Variants in MEIS1 observed in about 807,000 individuals in gnomAD.
The protein encoded by MEIS1 is homeobox protein Meis1.
In MEIS1, 5 loss-of-function variants were observed where a neutral mutation model predicts 50.8. The observed-to-expected ratio is 0.10, with a 90% CI of 0.05 to 0.21. The LOEUF is 0.21. Among genes scored for constraint, MEIS1 ranks in the 10% least tolerant of loss-of-function variants. MEIS1 has a pLI of 1.00. For missense variants in MEIS1, 318 were observed against 517.3 expected, an observed-to-expected ratio of 0.61 and a Z score of 3.74; for synonymous variants, 176 against 179.3, an observed-to-expected ratio of 0.98 and a Z score of 0.15.
chr2:66,515,744 C>G (rs1673951877), intron 8 of MEIS1, among the ~76,000 whole-genome samples: 1 of 152,078 alleles, frequency 6.6e-6, no homozygotes, highest in Non-Finnish European at 1.5e-5. Context: ...AAACTATTCC[C>G]TGGAATTGAA....
chr2:66,500,433 A>T (rs1673523513), intron 7 of MEIS1, among the ~76,000 whole-genome samples: 1 of 152,120 alleles, frequency 6.6e-6, no homozygotes, highest in Admixed American at 6.6e-5. Context: ...TTATTTATTT[A>T]TTTTTTATTG....
At chr2:66,558,279 C>CAAACAAAAAAAAAACA (rs1675121164) in intron 9 of MEIS1, among the ~76,000 whole-genome samples, 1 of 57,102 alleles carries the variant, frequency 1.8e-5, no homozygotes, top group Non-Finnish European at 2.9e-5. Flanking sequence ...AACTCCATCT[C>CAAACAAAAAAAAAACA]AAAAAAAAAA....
At chr2:66,567,082 CAG>C (rs907611303) in intron 9 of MEIS1, among the ~76,000 whole-genome samples, 10 of 152,152 alleles carry the variant, frequency 6.6e-5, no homozygotes, top group African/African-American at 2.4e-4. Context: ...GGAGAGGTAA[CAG>C]ATGCCCTTAT....
At chr2:66,437,028 A>C (rs1419642313) in intron 1 of MEIS1, 16 of 867,266 alleles carry the variant, frequency 1.8e-5, no homozygotes, top group Non-Finnish European at 2.2e-5. Flanking sequence ...AGCTGCTTCA[A>C]CTATAGATTT....
rs77293959 is a variant in MEIS1, at chr2:66,558,339, C to G, written c.966-9114C>G. On this transcript the variant is annotated intron_variant, in intron 9 of 12. Coordinates refer to ENST00000272369, the MANE Select transcript of MEIS1 (RefSeq NM_002398.3). Reference sequence around the variant, plus strand: ...AAAAGAAAAAGAAAAAGGATAGTCACACTGAAATCCAGCAACTCAGCAGTA... The same window carrying G: ...AAAAGAAAAAGAAAAAGGATAGTCAGACTGAAATCCAGCAACTCAGCAGTA... Among the ~76,000 whole-genome samples, 183 of 144,662 alleles carry G rather than the reference C, an allele frequency of 1.3e-3. 3 individuals are homozygous for G. In the East Asian group the frequency reaches 0.029, roughly 23 times the overall value. 94.9% of individuals were successfully genotyped at this position (144,662 alleles called of 152,430 possible).
intron 7 of MEIS1, among the ~76,000 whole-genome samples, chr2:66,500,992 T>A (rs1326321614): frequency 1.3e-5 from 2 of 152,210 alleles, no homozygotes; most frequent in Non-Finnish European, 2.9e-5. Context: ...CATATGTGTG[T>A]GTATGTGTGT....
At chr2:66,441,574 CT>C in intron 5 of MEIS1, 110 bp downstream of exon 5, 1 of 883,894 alleles carries the variant, frequency 1.1e-6, no homozygotes, top group Non-Finnish European at 1.7e-6. Flanking sequence ...GCATAAATGT[CT>C]TTCTTTCTGG....
At chr2:66,502,927 G>C (rs1170508046) in intron 7 of MEIS1, among the ~76,000 whole-genome samples, 1 of 152,172 alleles carries the variant, frequency 6.6e-6, no homozygotes, top group Admixed American at 6.5e-5. Flanking sequence ...ACTTTGCTGA[G>C]CTGGCTTTGG....
rs74559538 is a variant in MEIS1, at chr2:66,522,430, G to C, written c.888+10136G>C. On this transcript the variant is annotated intron_variant, in intron 8 of 12. Transcript: ENST00000272369. Reference sequence around the variant, plus strand: ...GGCAGCTCCATTGAGACAACAGTGGGCCAGGCGAGGGGATCCTCCTGTTGG... The same window carrying C: ...GGCAGCTCCATTGAGACAACAGTGGCCCAGGCGAGGGGATCCTCCTGTTGG... 6.0e-3 allele frequency among the ~76,000 whole-genome samples: 913 copies of C among 152,312 alleles called. 2 individuals are homozygous for C. Among genetic ancestry groups the C allele is most frequent in the Non-Finnish European group, 9.0e-3 (614 of 68,030 alleles).
chr2:66,444,895 C>G (rs1672091724), intron 6 of MEIS1, among the ~76,000 whole-genome samples: 1 of 152,100 alleles, frequency 6.6e-6, no homozygotes, highest in Admixed American at 6.5e-5. Flanking sequence ...ACTTTAATTG[C>G]CTCCAAAATG....
Position 66,435,531 on chromosome 2 carries a change from C to G in MEIS1, c.-326C>G. ...TTGGTAGTTGGGTCTGAGGGGCGCT[C>G]TTTTTTTTCCTTTTCTTTCTTTCTT... On this transcript the variant is annotated 5_prime_UTR_variant, in exon 1 of 13. Transcript: ENST00000272369. The G allele has an allele frequency of 4.0e-5, 15 of 370,780 alleles. No individual in the cohort carries two copies. Among genetic ancestry groups the G allele is most frequent in the Non-Finnish European group, 4.2e-5 (9 of 213,230 alleles). 23.0% of individuals were successfully genotyped at this position (370,780 alleles called of 1,614,324 possible).
chr2:66,484,303 G>A (rs752498431), intron 7 of MEIS1, among the ~76,000 whole-genome samples: 9 of 152,172 alleles, frequency 5.9e-5, no homozygotes, highest in Non-Finnish European at 1.2e-4. Flanking sequence ...ATCTGGTTAT[G>A]TCTTTTTCTC....
At chr2:66,555,280 CG>C (rs1359844237) in intron 9 of MEIS1, among the ~76,000 whole-genome samples, 17 of 133,902 alleles carry the variant, frequency 1.3e-4, no homozygotes, top group Admixed American at 2.5e-4. Context: ...CTCTCTCTCT[CG>C]TCTCTCTCCA....
At position 66,503,142 on chromosome 2, in the gene MEIS1, G is replaced by A. The variant is rs536797428; in HGVS notation, c.743-9007G>A. Reference sequence around the variant, plus strand: ...TTAGGTTGAACTAGAAAGAGACTGGGAAATGAGGCATTGTTTGACAAAATT... The same window carrying A: ...TTAGGTTGAACTAGAAAGAGACTGGAAAATGAGGCATTGTTTGACAAAATT... On this transcript the variant is annotated intron_variant, in intron 7 of 12. Transcript: ENST00000272369. 6.8e-4 allele frequency among the ~76,000 whole-genome samples: 103 copies of A among 152,264 alleles called. 1 individual carries two copies. Among genetic ancestry groups the A allele is most frequent in the African/African-American group, 2.4e-3 (100 of 41,548 alleles).
intron 7 of MEIS1, among the ~76,000 whole-genome samples, chr2:66,483,232 C>CTTTTTTTTTTTT (rs796234118): frequency 9.1e-6 from 1 of 109,628 alleles, no homozygotes; most frequent in African/African-American, 3.8e-5. Context: ...TTTTTTTTGT[C>CTTTTTTTTTTTT]TTTTTTTTTT....
intron 8 of MEIS1, among the ~76,000 whole-genome samples, chr2:66,516,504 T>A (rs1261438035): frequency 6.6e-6 from 1 of 152,098 alleles, no homozygotes. Context: ...ATGTGCCAAG[T>A]GTTTTTGTTT....
chr2:66,533,899 A>G (rs1674454710), intron 8 of MEIS1, among the ~76,000 whole-genome samples: 1 of 152,226 alleles, frequency 6.6e-6, no homozygotes, highest in Admixed American at 6.5e-5. Flanking sequence ...ATCTAATTTA[A>G]CAGTAAAAAT....
At chr2:66,499,488 T>G (rs1159580973) in intron 7 of MEIS1, among the ~76,000 whole-genome samples, 1 of 151,948 alleles carries the variant, frequency 6.6e-6, no homozygotes, top group Non-Finnish European at 1.5e-5. Context: ...GCACTTTACC[T>G]TCCCCCACAC....
chr2:66,505,193 T>G (rs1284835058), intron 7 of MEIS1, among the ~76,000 whole-genome samples: 1 of 152,144 alleles, frequency 6.6e-6, no homozygotes, highest in Non-Finnish European at 1.5e-5. Context: ...GGCAGGAGGT[T>G]GCTTGAGGCC....
Sources: allele counts gnomAD v4.1 joint callset (sites outside exome capture counted in the v4.1 genomes callset), GRCh38; gene constraint gnomAD v4.1.1; transcripts MANE v1.5; gene names NCBI Gene and HGNC (gene_info 2026-07-23, HGNC 2026-07-21).